Variants in KLHL21 observed in about 807,000 individuals in gnomAD.
The protein encoded by KLHL21 is kelch-like protein 21.
A neutral mutation model predicts 44.1 loss-of-function variants in KLHL21; 42 were observed. The ratio of observed to expected loss-of-function variants is 0.95; its 90% CI spans 0.74 to 1.23. The LOEUF is 1.23. Ranked by LOEUF, KLHL21 falls within the 50% of genes most tolerant of loss-of-function variation. The pLI is 0.00. For synonymous variants in KLHL21, 524 were observed against 411.6 expected (o/e 1.27, Z -3.31); for missense variants, 918 against 889.1 (o/e 1.03, Z -0.41).
At chr1:6,597,761 A>G (rs914200712) in intron 2 of KLHL21, among the ~76,000 whole-genome samples, 2 of 152,258 alleles carry the variant, frequency 1.3e-5, no homozygotes, top group Admixed American at 6.5e-5. Context: ...TCAAAGCCCC[A>G]GCACGAAAGG....
Position 6,599,160 on chromosome 1 carries a change from C to A in KLHL21, c.1314G>T (p.Met438Ile). The A allele has an allele frequency of 6.2e-7, 1 of 1,614,084 alleles. No homozygotes were observed. Among genetic ancestry groups the A allele is most frequent in the East Asian group, 2.2e-5 (1 of 44,884 alleles). Residue 438 changes from methionine to isoleucine, a missense_variant, in exon 2 of 4, where the codon ATG becomes ATT. Transcript: ENST00000377658. ...GSLAGKETMV[M>I]QCYDPDTDLW... ...GGTCGGTGTCCGGGTCGTAGCACTGCATCACCATGGTCTCCTTGCCAGCCA... is the reference window on the plus strand; with the variant it reads ...GGTCGGTGTCCGGGTCGTAGCACTGAATCACCATGGTCTCCTTGCCAGCCA...
At position 6,591,124 on chromosome 1, in the gene KLHL21, G is replaced by A. The variant is rs1463276413; in HGVS notation, c.*2241C>T. ...AGCAGAGGGAAACTGGGGAGAGGAG[G>A]GGGCCTGACCCTGGATCCCCCAGCT... On this transcript the variant is annotated 3_prime_UTR_variant, in exon 4 of 4. Coordinates refer to ENST00000377658, the MANE Select transcript of KLHL21 (RefSeq NM_014851.4). The A allele has an allele frequency of 1.3e-5, 5 of 397,810 alleles. No individual in the cohort carries two copies. Among genetic ancestry groups the A allele is most frequent in the South Asian group, 1.3e-4 (1 of 7,588 alleles). The allele number at this position is 397,810 out of a possible 1,614,324, so 24.6% of individuals were successfully genotyped here.
At chr1:6,598,007 C>T (rs1640951497) in intron 2 of KLHL21, among the ~76,000 whole-genome samples, 1 of 152,272 alleles carries the variant, frequency 6.6e-6, no homozygotes, top group South Asian at 2.1e-4. Flanking sequence ...CTGCCTGTCT[C>T]TGCTCCGTGC....
chr1:6,601,850 T>G lies in KLHL21; in HGVS notation c.968A>C (p.His323Pro), dbSNP rs760425419. 1.5e-5 allele frequency: 23 copies of G among 1,582,698 alleles called. No homozygotes were observed. Among genetic ancestry groups the G allele is most frequent in the Non-Finnish European group, 1.8e-5 (21 of 1,165,412 alleles). Residue 323 changes from histidine (H) to proline (P), a missense_variant, in exon 1 of 4, where the codon CAC becomes CCC. Coordinates refer to ENST00000377658, the MANE Select transcript of KLHL21 (RefSeq NM_014851.4). ...CACGATGCTGTAGCCTCCGCCCAGG[T>G]GGTCTGGGAACTCGGCCAGGTAGCG... Reference protein sequence around the residue: ...QWRYLAEFPDHLGGGYSIVAL... With the variant: ...QWRYLAEFPDPLGGGYSIVAL...
Position 6,599,171 on chromosome 1 carries a change from T to C in KLHL21, c.1303A>G (p.Thr435Ala). Residue 435 changes from threonine (T) to alanine (A), a missense_variant, in exon 2 of 4, where the codon ACC becomes GCC. By Grantham distance (58) the Thr-to-Ala change is moderately conservative. Transcript: ENST00000377658. ...GGGTCGTAGCACTGCATCACCATGG[T>C]CTCCTTGCCAGCCAGGGAGCCGATG... ...YAIGSLAGKE[T>A]MVMQCYDPDT... The C allele has an allele frequency of 6.2e-7, 1 of 1,614,008 alleles. No homozygotes were observed. Among genetic ancestry groups the C allele is most frequent in the South Asian group, 1.1e-5 (1 of 91,078 alleles).
intron 2 of KLHL21, among the ~76,000 whole-genome samples, chr1:6,597,457 TGGG>T (rs917713819): frequency 5.9e-5 from 9 of 152,148 alleles, no homozygotes; most frequent in Admixed American, 1.3e-4. Context: ...CTTCACAACT[TGGG>T]GGAGGGAGAG....
At chr1:6,594,369 T>C (rs1043524859) in intron 3 of KLHL21, 3 of 152,310 alleles carry the variant, frequency 2.0e-5, no homozygotes, top group African/African-American at 4.8e-5. Context: ...TGGACCCTGG[T>C]TGTCCTATTC....
chr1:6,593,897 C>T, intron 3 of KLHL21: 1 of 1,303,426 alleles, frequency 7.7e-7, no homozygotes, highest in Non-Finnish European at 9.8e-7. Context: ...AGCGCCAGGC[C>T]TCCCCGTGTG....
Position 6,601,804 on chromosome 1 carries a change from G to A in KLHL21, c.1014C>T (p.Tyr338=). ...YSIVALGNDI[Y]VTGGSDGSRL... ...AGCCCCTGGCCCACTCACCCGTCAC[G>A]TAGATGTCATTGCCCAGCGCCACGA... Residue 338 remains tyrosine, a synonymous_variant, in exon 1 of 4, where the codon TAC becomes TAT. Transcript: ENST00000377658. The A allele has an allele frequency of 1.9e-6, 3 of 1,576,202 alleles. No homozygotes were observed. The highest frequency in any genetic ancestry group is 1.2e-5 in the South Asian group (1 of 86,400).
Position 6,593,013 on chromosome 1 carries a change from C to T in KLHL21, c.*352G>A, listed in dbSNP as rs980598690. 3 of 257,824 alleles carry T rather than the reference C, an allele frequency of 1.2e-5. No individual in the cohort carries two copies. Among genetic ancestry groups the T allele is most frequent in the Non-Finnish European group, 2.2e-5 (3 of 133,800 alleles). 16.0% of individuals were successfully genotyped at this position (257,824 alleles called of 1,614,324 possible). A position where few individuals can be genotyped will look rare whatever the true frequency, so the allele number is the denominator to read the frequency against. Reference sequence around the variant, plus strand: ...CCTTCACGCGTCCCTCCCAAGTCATCGTCCTCTCCCAAGGTGGGAACAAGT... The same window carrying T: ...CCTTCACGCGTCCCTCCCAAGTCATTGTCCTCTCCCAAGGTGGGAACAAGT... On this transcript the variant is annotated 3_prime_UTR_variant, in exon 4 of 4. Coordinates refer to ENST00000377658, the MANE Select transcript of KLHL21 (RefSeq NM_014851.4).
At position 6,593,345 on chromosome 1, in the gene KLHL21, C is replaced by T. The variant is rs377537456; in HGVS notation, c.*20G>A. On this transcript the variant is annotated 3_prime_UTR_variant, in exon 4 of 4. Coordinates refer to ENST00000377658, the MANE Select transcript of KLHL21 (RefSeq NM_014851.4). ...GGTGCCAGTTACCTGCACCGAGGCC[C>T]GTGCCGGGCCAGACTGGGGCTAGTG... 7.9e-5 allele frequency: 123 copies of T among 1,552,020 alleles called. No homozygotes were observed. Among genetic ancestry groups the T allele is most frequent in the Admixed American group, 1.1e-4 (6 of 52,272 alleles).
Position 6,591,104 on chromosome 1 carries a change from A to C in KLHL21, c.*2261T>G. The C allele has an allele frequency of 2.5e-6, 1 of 398,442 alleles. No individual in the cohort carries two copies. The highest frequency in any genetic ancestry group is 4.4e-5 in the Admixed American group (1 of 22,732). 24.7% of individuals were successfully genotyped at this position (398,442 alleles called of 1,614,324 possible). ...CATGACAGCCCAGAACCCACAGCAG[A>C]GGGAAACTGGGGAGAGGAGGGGGCC... On this transcript the variant is annotated 3_prime_UTR_variant, in exon 4 of 4. Coordinates refer to ENST00000377658, the MANE Select transcript of KLHL21 (RefSeq NM_014851.4).
rs1358279641 is a variant in KLHL21, at chr1:6,602,167, C to A, written c.651G>T (p.Trp217Cys). The A allele has an allele frequency of 1.4e-6, 2 of 1,428,410 alleles. No individual in the cohort carries two copies. The highest frequency in any genetic ancestry group is 2.9e-5 in the East Asian group (1 of 33,990). The allele number at this position is 1,428,410 out of a possible 1,614,324, so 88.5% of individuals were successfully genotyped here. ...RADPPRRAAH[W>C]PQLLEAVRLP... Reference sequence around the variant, plus strand: ...GGCGCACGGCCTCCAGCAGCTGCGGCCAGTGCGCGGCGCGGCGCGGCGGGT... The same window carrying A: ...GGCGCACGGCCTCCAGCAGCTGCGGACAGTGCGCGGCGCGGCGCGGCGGGT... Residue 217 changes from tryptophan (W) to cysteine (C), a missense_variant, in exon 1 of 4, where the codon TGG (tryptophan) becomes TGT (cysteine). By Grantham distance (215) the Trp-to-Cys change is radical. Transcript: ENST00000377658.
rs370358058 is a variant in KLHL21 at position 6,601,854 on chromosome 1, C to A, written c.964G>T (p.Asp322Tyr). The A allele has an allele frequency of 1.8e-5, 28 of 1,581,496 alleles. No individual in the cohort carries two copies. The highest frequency in any genetic ancestry group is 2.3e-5 in the Non-Finnish European group (27 of 1,164,772). The change falls in exon 1 of 4, where the codon GAC becomes TAC. Residue 322 changes from aspartate to tyrosine, a missense_variant. Transcript: ENST00000377658. ...ATGCTGTAGCCTCCGCCCAGGTGGT[C>A]TGGGAACTCGGCCAGGTAGCGCCAC... ...GQWRYLAEFP[D>Y]HLGGGYSIVA...
At position 6,596,775 on chromosome 1, in the gene KLHL21, G is replaced by A. The variant is rs1050031592; in HGVS notation, c.1428-1218C>T. ...GCCCAGAGGCTGGACAGAGCTCGCCGGCATTCCCAGAGGGGGCTACTGCAC... is the reference window on the plus strand; with the variant it reads ...GCCCAGAGGCTGGACAGAGCTCGCCAGCATTCCCAGAGGGGGCTACTGCAC... On this transcript the variant is annotated intron_variant, in intron 2 of 3. Coordinates refer to ENST00000377658, the MANE Select transcript of KLHL21 (RefSeq NM_014851.4). Among the ~76,000 whole-genome samples, 15 of 152,162 alleles carry A rather than the reference G, an allele frequency of 9.9e-5. 2 individuals carry two copies. In the South Asian group the frequency reaches 1.0e-3, roughly 11 times the overall value.
At chr1:6,596,806 C>T (rs1158524252) in intron 2 of KLHL21, among the ~76,000 whole-genome samples, 1 of 152,178 alleles carries the variant, frequency 6.6e-6, no homozygotes, top group African/African-American at 2.4e-5. Context: ...TGCACCCCAG[C>T]CAAGGAGGCA....
chr1:6,599,049 G>T lies in KLHL21; in HGVS notation c.1425C>A (p.Val475=). 6.4e-7 allele frequency: 1 copy of T among 1,574,036 alleles called. No individual in the cohort carries two copies. The highest frequency in any genetic ancestry group is 2.3e-5 in the East Asian group (1 of 44,260). ...TATLNGLMYF[V]RDDSAEVDVY... ...GGGGCTCGGCACCTGGAACTCACCT[G>T]ACAAAGTACATGAGTCCGTTTAGAG... The change falls in exon 2 of 4, where the codon GTC becomes GTA. Residue 475 remains valine (V), a splice_region_variant and synonymous_variant. Coordinates refer to ENST00000377658, the MANE Select transcript of KLHL21 (RefSeq NM_014851.4).
intron 2 of KLHL21, among the ~76,000 whole-genome samples, chr1:6,597,117 G>C (rs1222409967): frequency 2.6e-5 from 4 of 152,228 alleles, no homozygotes; most frequent in Non-Finnish European, 2.9e-5. Context: ...TCTGTGCTCC[G>C]GCACAGGTCA....
At position 6,595,303 on chromosome 1, in the gene KLHL21, T is replaced by C. The variant is rs1640908835; in HGVS notation, c.1500+182A>G. 5.9e-6 allele frequency: 4 copies of C among 683,462 alleles called. No individual in the cohort carries two copies. The South Asian group carries it at 6.5e-5, about 11-fold the overall frequency. 42.3% of individuals were successfully genotyped at this position (683,462 alleles called of 1,614,324 possible). On this transcript the variant is annotated intron_variant, in intron 3 of 3. Coordinates refer to ENST00000377658, the MANE Select transcript of KLHL21 (RefSeq NM_014851.4). Reference sequence around the variant, plus strand: ...TACTAAGCTGTGTAATCATAGGGTATTACTTAACATCTGTGTCTCAGTGAG... The same window carrying C: ...TACTAAGCTGTGTAATCATAGGGTACTACTTAACATCTGTGTCTCAGTGAG...
Sources: gnomAD v4.1 joint callset for allele counts (sites outside exome capture counted in the v4.1 genomes callset) on GRCh38, gnomAD v4.1.1 for gene constraint, MANE v1.5 for transcripts, NCBI Gene and HGNC (gene_info 2026-07-23, HGNC 2026-07-21) for gene names.